MB21D2: variants seen among roughly 807,000 people sequenced by gnomAD.
MB21D2 encodes the protein nucleotidyltransferase MB21D2.
Under a neutral mutation model 33.3 loss-of-function variants are expected in MB21D2, and 9 were observed. The observed-to-expected ratio is 0.27, with a 90% CI of 0.16 to 0.47. MB21D2 has a LOEUF of 0.47. MB21D2 is among the 20% of genes least tolerant of loss of function. MB21D2 has a pLI of 0.99. For missense variants in MB21D2, 540 were observed against 624.6 expected, an observed-to-expected ratio of 0.86 and a Z score of 1.44; for synonymous variants, 241 against 236.3, an observed-to-expected ratio of 1.02 and a Z score of -0.18.
chr3:192,842,843 T>C (rs73890337), intron 1 of MB21D2, among the ~76,000 whole-genome samples: 7,788 of 152,236 alleles, frequency 0.051, 661 homozygotes, highest in African/African-American at 0.18. Context: ...CCACTGTGCA[T>C]GTTAAGTGCA....
At chr3:192,884,686 C>T (rs113321714) in intron 1 of MB21D2, among the ~76,000 whole-genome samples, 2 of 152,150 alleles carry the variant, frequency 1.3e-5, no homozygotes, top group African/African-American at 4.8e-5. Flanking sequence ...TGTCTTGTTC[C>T]ATCCTGATCA....
intron 1 of MB21D2, among the ~76,000 whole-genome samples, chr3:192,839,164 C>T (rs972827091): frequency 1.3e-5 from 2 of 152,104 alleles, no homozygotes; most frequent in Non-Finnish European, 2.9e-5. Context: ...TAGCTGAGTG[C>T]TATAAATATT....
At chr3:192,824,353 G>C (rs1424037148) in intron 1 of MB21D2, among the ~76,000 whole-genome samples, 1 of 152,026 alleles carries the variant, frequency 6.6e-6, no homozygotes, top group African/African-American at 2.4e-5. Context: ...TAAAGTTGGA[G>C]TTTATAGAAA....
At position 192,799,733 on chromosome 3, in the gene MB21D2, G is replaced by A; in HGVS notation, c.212-83C>T. On this transcript the variant is annotated intron_variant, in intron 1 of 1. Coordinates refer to ENST00000392452, the MANE Select transcript of MB21D2 (RefSeq NM_178496.4). The surrounding 1 kb of genome is among the most constrained non-coding windows in gnomAD (Gnocchi z 4.1). ...TATGCATGAAACAGAATGCTCTGAT[G>A]TTCCAAGAACCAAAACTCATTATCA... 1 of 1,422,922 alleles carries A rather than the reference G, an allele frequency of 7.0e-7. No individual in the cohort carries two copies. Among genetic ancestry groups the A allele is most frequent in the Non-Finnish European group, 9.3e-7 (1 of 1,073,294 alleles). 88.1% of individuals were successfully genotyped at this position (1,422,922 alleles called of 1,614,324 possible).
At chr3:192,858,611 T>C (rs1197931017) in intron 1 of MB21D2, among the ~76,000 whole-genome samples, 1 of 152,182 alleles carries the variant, frequency 6.6e-6, no homozygotes, top group Non-Finnish European at 1.5e-5. Flanking sequence ...ACTGAATGCT[T>C]ATCATACTTT....
intron 1 of MB21D2, among the ~76,000 whole-genome samples, chr3:192,839,089 G>A (rs954312663): frequency 4.6e-5 from 7 of 152,206 alleles, no homozygotes; most frequent in African/African-American, 1.7e-4. Context: ...TGGTGAGGGG[G>A]TGGATTGGGA....
chr3:192,807,334 C>CAA (rs34151496), intron 1 of MB21D2, among the ~76,000 whole-genome samples: 10 of 129,222 alleles, frequency 7.7e-5, no homozygotes, highest in Admixed American at 1.6e-4. Flanking sequence ...CTTGAAAGGC[C>CAA]AAAAAAAAAA....
At chr3:192,917,604 C>A (rs1304408737) in intron 1 of MB21D2, 26 bp downstream of exon 1, 3 of 1,611,978 alleles carry the variant, frequency 1.9e-6, no homozygotes, top group East Asian at 2.2e-5. Context: ...CACACGCACA[C>A]ACACCTCCCC....
intron 1 of MB21D2, among the ~76,000 whole-genome samples, chr3:192,880,747 C>T (rs1029817688): frequency 1.3e-5 from 2 of 152,096 alleles, no homozygotes; most frequent in Non-Finnish European, 2.9e-5. Flanking sequence ...GTTAGCACAT[C>T]CACCTGTTCC....
intron 1 of MB21D2, among the ~76,000 whole-genome samples, chr3:192,901,109 G>A (rs1489079345): frequency 6.6e-6 from 1 of 152,120 alleles, no homozygotes; most frequent in East Asian, 1.9e-4. Flanking sequence ...CAGAGAGGAT[G>A]GAGCCAGGGT....
intron 1 of MB21D2, among the ~76,000 whole-genome samples, chr3:192,867,700 G>C (rs1225107891): frequency 6.6e-6 from 1 of 152,184 alleles, no homozygotes; most frequent in African/African-American, 2.4e-5. Context: ...AAGAGGCTGG[G>C]GCTAGGTCCT....
At position 192,849,064 on chromosome 3, in the gene MB21D2, T is replaced by C. The variant is rs147944108; in HGVS notation, c.212-49414A>G. 9.5e-4 allele frequency among the ~76,000 whole-genome samples: 144 copies of C among 152,290 alleles called. 3 individuals are homozygous for C. The East Asian group carries it at 0.02, about 22-fold the overall frequency. ...ACATATCACAGATTCAGTTTTGTTATGAGATTCTCAATGGGGCAGCCCCCT... is the reference window on the plus strand; with the variant it reads ...ACATATCACAGATTCAGTTTTGTTACGAGATTCTCAATGGGGCAGCCCCCT... On this transcript the variant is annotated intron_variant, in intron 1 of 1. Transcript: ENST00000392452.
In MB21D2 at chr3:192,821,062, G is replaced by A. The variant is rs140845619; in HGVS notation, c.212-21412C>T. 2.6e-3 allele frequency among the ~76,000 whole-genome samples: 390 copies of A among 152,046 alleles called. 4 individuals carry two copies. The highest frequency in any genetic ancestry group is 9.0e-3 in the African/African-American group (371 of 41,446). On this transcript the variant is annotated intron_variant, in intron 1 of 1. Coordinates refer to ENST00000392452, the MANE Select transcript of MB21D2 (RefSeq NM_178496.4). ...TTTAAACAAACAAACAGAACATTAC[G>A]TACCCTTCAAATAACAATGAACACA...
At chr3:192,809,060 T>A in intron 1 of MB21D2, among the ~76,000 whole-genome samples, 3 of 152,172 alleles carry the variant, frequency 2.0e-5, no homozygotes, top group Admixed American at 2.0e-4. Flanking sequence ...GTCATCTCGT[T>A]CAATCTTCTT....
intron 1 of MB21D2, among the ~76,000 whole-genome samples, chr3:192,855,202 A>C (rs1017396268): frequency 7.2e-5 from 11 of 152,076 alleles, no homozygotes; most frequent in African/African-American, 2.7e-4. Flanking sequence ...AGGTTCAAGC[A>C]ATTCTCCTGC....
intron 1 of MB21D2, among the ~76,000 whole-genome samples, chr3:192,862,652 G>A (rs866311444): frequency 3.3e-5 from 5 of 152,082 alleles, no homozygotes; most frequent in Admixed American, 6.6e-5. Context: ...GTCTTTGTAG[G>A]GTGCTCACAC....
intron 1 of MB21D2, among the ~76,000 whole-genome samples, chr3:192,803,249 A>G (rs888947135): frequency 1.3e-5 from 2 of 152,208 alleles, no homozygotes; most frequent in Middle Eastern, 3.2e-3. Flanking sequence ...CTTTCCTCTC[A>G]ATGATGCTTA....
chr3:192,798,285 C>T lies in MB21D2; in HGVS notation c.*101G>A. The T allele has an allele frequency of 7.4e-7, 1 of 1,348,114 alleles. No homozygotes were observed. The highest frequency in any genetic ancestry group is 1.0e-6 in the Non-Finnish European group (1 of 986,518). The allele number at this position is 1,348,114 out of a possible 1,614,324, so 83.5% of individuals were successfully genotyped here. A position where few individuals can be genotyped will look rare whatever the true frequency, so the allele number is the denominator to read the frequency against. ...ACTTAAAATTTGTTCTTAACAAATC[C>T]AATCTAGGCTGGATATGTAAAAAAC... On this transcript the variant is annotated 3_prime_UTR_variant, in exon 2 of 2. Transcript: ENST00000392452. The surrounding 1 kb of genome is among the most constrained non-coding windows in gnomAD (Gnocchi z 4.8).
chr3:192,816,856 G>C (rs576832939), intron 1 of MB21D2, among the ~76,000 whole-genome samples: 1 of 142,232 alleles, frequency 7.0e-6, no homozygotes, highest in East Asian at 2.2e-4. Flanking sequence ...TTGACTTTCT[G>C]AAACTTCAGT....
Sources: allele counts gnomAD v4.1 joint callset (sites outside exome capture counted in the v4.1 genomes callset), GRCh38; gene constraint gnomAD v4.1.1; non-coding constraint Gnocchi (gnomAD v3.1); transcripts MANE v1.5; gene names NCBI Gene and HGNC (gene_info 2026-07-23, HGNC 2026-07-21).